P3H1: variants seen among roughly 807,000 people sequenced by gnomAD.
The protein encoded by P3H1 is growth suppressor 1.
In P3H1, 69 loss-of-function variants were observed where a neutral mutation model predicts 84.0. The ratio of observed to expected loss-of-function variants is 0.82; its 90% CI spans 0.68 to 1.00. P3H1 has a LOEUF of 1.00. Among genes scored for constraint, P3H1 ranks in the 50% least tolerant of loss-of-function variants. P3H1 has a pLI of 0.00. For missense variants in P3H1, 878 were observed against 962.8 expected (o/e 0.91, Z 1.17); for synonymous variants, 366 against 388.8 (o/e 0.94, Z 0.69).
rs374314894 is a variant in P3H1 at position 42,758,981 on chromosome 1, G to A, written c.811C>T (p.His271Tyr). The A allele has an allele frequency of 1.9e-5, 31 of 1,614,054 alleles. No individual in the cohort carries two copies. The highest frequency in any genetic ancestry group is 2.5e-5 in the Non-Finnish European group (30 of 1,180,020). Reference protein sequence around the residue: ...NADLFQAITDHYIQVLNCKQN... With the variant: ...NADLFQAITDYYIQVLNCKQN... Reference sequence around the variant, plus strand: ...TTACAGTTGAGGACCTGGATGTAATGATCTGAAAGGAATCAAACAGAAGGA... The same window carrying A: ...TTACAGTTGAGGACCTGGATGTAATAATCTGAAAGGAATCAAACAGAAGGA... Residue 271 changes from histidine (H) to tyrosine (Y), a missense_variant and splice_region_variant, in exon 4 of 15, where the codon CAT (histidine) becomes TAT (tyrosine). By Grantham distance (83) the His-to-Tyr change is moderately conservative. Transcript: ENST00000296388.
rs1443707538 is a variant in P3H1 at position 42,752,623 on chromosome 1, A to G, written c.1387T>C (p.Ser463Pro). 6.2e-7 allele frequency: 1 copy of G among 1,614,170 alleles called. No homozygotes were observed. Among genetic ancestry groups the G allele is most frequent in the South Asian group, 1.1e-5 (1 of 91,084 alleles). ...CGCTGGGAACCATTCAGGAGTTTGG[A>G]GTTCATGGTGAGACTGATGCCTTCA... ...LYEGISLTMN[S>P]KLLNGSQRVV... The change falls in exon 9 of 15, where the codon TCC (serine) becomes CCC (proline). Residue 463 changes from serine (S) to proline (P), a missense_variant. Ser to Pro is a moderately conservative substitution (Grantham distance 74). Transcript: ENST00000296388.
chr1:42,762,402 T>C lies in P3H1; in HGVS notation c.539A>G (p.Gln180Arg), dbSNP rs2124156508. 6.2e-7 allele frequency: 1 copy of C among 1,614,214 alleles called. No homozygotes were observed. Among genetic ancestry groups the C allele is most frequent in the South Asian group, 1.1e-5 (1 of 91,086 alleles). Residue 180 changes from glutamine (Q) to arginine (R), a missense_variant, in exon 2 of 15, where the codon CAG (glutamine) becomes CGG (arginine). By Grantham distance (43) the Gln-to-Arg change is conservative. Transcript: ENST00000296388. ...FVGNPEHMEMQQNLDYYQTMS... is the reference protein window; with the variant it reads ...FVGNPEHMEMRQNLDYYQTMS... ...GGTTTGGTAATAGTCTAGGTTCTGC[T>C]GCATTTCCATGTGCTCAGGATTGCC...
rs1259433770 is a variant in P3H1 at position 42,762,345 on chromosome 1, T to C, written c.596A>G (p.Asp199Gly). ...MSGVKEADFK[D>G]LETQPHMQEF... ...CACCATATGGGGTTGAGTCTCAAGA[T>C]CCTTGAAGTCGGCCTCCTTCACTCC... The change falls in exon 2 of 15, where the codon GAT becomes GGT. Residue 199 changes from aspartate to glycine, a missense_variant. Asp to Gly is a moderately conservative substitution (Grantham distance 94, BLOSUM62 -1). Coordinates refer to ENST00000296388, the MANE Select transcript of P3H1 (RefSeq NM_022356.4). The C allele has an allele frequency of 6.2e-7, 1 of 1,613,956 alleles. No individual in the cohort carries two copies. The highest frequency in any genetic ancestry group is 2.2e-5 in the East Asian group (1 of 44,892).
intron 2 of P3H1, chr1:42,761,990 G>C (rs534267218): frequency 8.4e-6 from 2 of 238,670 alleles, no homozygotes; most frequent in African/African-American, 4.6e-5. Flanking sequence ...AATATAAACT[G>C]GTTTTCTTAA....
Position 42,757,805 on chromosome 1 carries a change from G to C in P3H1, c.1058C>G (p.Thr353Ser). 6.2e-7 allele frequency: 1 copy of C among 1,614,224 alleles called. No individual in the cohort carries two copies. The highest frequency in any genetic ancestry group is 1.3e-5 in the African/African-American group (1 of 75,050). ...CACCTCACGGGGGCCGATGGATCTG[G>C]TGTGTTCTTCTCCAAGCATAGCTGC... ...YYAAMLGEEH[T>S]RSIGPRESAK... Residue 353 changes from threonine (T) to serine (S), a missense_variant, in exon 5 of 15, where the codon ACC becomes AGC. Transcript: ENST00000296388.
chr1:42,749,384 T>C (rs1557561383), intron 11 of P3H1, among the ~76,000 whole-genome samples: 1 of 152,186 alleles, frequency 6.6e-6, no homozygotes, highest in Non-Finnish European at 1.5e-5. Flanking sequence ...CAGAGCCGGC[T>C]CTGGGCCACA....
At chr1:42,757,728 C>T (rs747184116) in intron 5 of P3H1, 55 bp downstream of exon 5, 324 of 1,613,728 alleles carry the variant, frequency 2.0e-4, no homozygotes, top group Non-Finnish European at 2.4e-4. Flanking sequence ...CCCACTCTTC[C>T]GCCCTCAGGT....
At chr1:42,752,147 A>C in intron 10 of P3H1, 127 bp downstream of exon 10, 1 of 799,478 alleles carries the variant, frequency 1.3e-6, no homozygotes. Flanking sequence ...CTTCCTGGCA[A>C]CAAGAATGTT....
chr1:42,752,562 C>A lies in P3H1; in HGVS notation c.1448G>T (p.Cys483Phe). 2 of 1,614,168 alleles carry A rather than the reference C, an allele frequency of 1.2e-6. No homozygotes were observed. Among genetic ancestry groups the A allele is most frequent in the Non-Finnish European group, 8.5e-7 (1 of 1,180,026 alleles). Reference protein sequence around the residue: ...VMDGVISDHECQELQRLTNVA... With the variant: ...VMDGVISDHEFQELQRLTNVA... ...ATTGGTCAGTCTCTGCAGCTCCTGA[C>A]ACTCGTGGTCAGAGATTACGCCGTC... Residue 483 changes from cysteine (C) to phenylalanine (F), a missense_variant, in exon 9 of 15, where the codon TGT becomes TTT. Coordinates refer to ENST00000296388, the MANE Select transcript of P3H1 (RefSeq NM_022356.4).
rs768806151 is a variant in P3H1 at position 42,762,390 on chromosome 1, T to A, written c.551A>T (p.Asp184Val). The A allele has an allele frequency of 6.2e-7, 1 of 1,614,192 alleles. No individual in the cohort carries two copies. Among genetic ancestry groups the A allele is most frequent in the South Asian group, 1.1e-5 (1 of 91,086 alleles). The change falls in exon 2 of 15, where the codon GAC (aspartate) becomes GTC (valine). Residue 184 changes from aspartate to valine, a missense_variant. By Grantham distance (152) the Asp-to-Val change is radical. Transcript: ENST00000296388. ...PEHMEMQQNL[D>V]YYQTMSGVKE... ...CACTCCAGACATGGTTTGGTAATAG[T>A]CTAGGTTCTGCTGCATTTCCATGTG...
chr1:42,764,410 C>G (rs1158150956), intron 1 of P3H1, among the ~76,000 whole-genome samples: 1 of 130,122 alleles, frequency 7.7e-6, no homozygotes, highest in Non-Finnish European at 1.6e-5. Flanking sequence ...CTGGCAACAG[C>G]GAGACTCCAT....
intron 1 of P3H1, among the ~76,000 whole-genome samples, chr1:42,764,613 G>A (rs1652895919): frequency 2.0e-5 from 3 of 152,148 alleles, no homozygotes; most frequent in Admixed American, 6.5e-5. Context: ...AGAGTTCAAC[G>A]AGATAATATG....
In P3H1 at chr1:42,763,779, T is replaced by C. The variant is rs184545856; in HGVS notation, c.466-1304A>G. On this transcript the variant is annotated intron_variant, in intron 1 of 14. Transcript: ENST00000296388. ...CTCCAGCATGTCAAAGTAACACAGG[T>C]TTCATATATAGAATCCAACCAAATA... 3.1e-3 allele frequency among the ~76,000 whole-genome samples: 468 copies of C among 149,140 alleles called. 7 individuals carry two copies. The highest frequency in any genetic ancestry group is 5.3e-3 in the East Asian group (27 of 5,082).
At position 42,759,283 on chromosome 1, in the gene P3H1, G is replaced by A; in HGVS notation, c.726C>T (p.Cys242=). The A allele has an allele frequency of 6.2e-7, 1 of 1,614,134 alleles. No individual in the cohort carries two copies. Among genetic ancestry groups the A allele is most frequent in the Non-Finnish European group, 8.5e-7 (1 of 1,179,984 alleles). ...LQEYFVAYEE[C]RALCEGPYDY... is the part of the protein sequence containing the mutation. Reference sequence around the variant, plus strand: ...CATAGGGCCCTTCGCAGAGGGCACGGCACTCCTCATAGGCCACAAAGTATT... The same window carrying A: ...CATAGGGCCCTTCGCAGAGGGCACGACACTCCTCATAGGCCACAAAGTATT... The change falls in exon 3 of 15, where the codon TGC becomes TGT. Residue 242 remains cysteine, a synonymous_variant. Coordinates refer to ENST00000296388, the MANE Select transcript of P3H1 (RefSeq NM_022356.4).
chr1:42,759,513 C>T, intron 2 of P3H1, 123 bp from the exon 3 acceptor site: 1 of 769,244 alleles, frequency 1.3e-6, no homozygotes, highest in African/African-American at 1.7e-5. Flanking sequence ...AAAGGGGTGA[C>T]CTGGGTACCA....
rs1179622665 is a variant in P3H1, at chr1:42,750,341, C to A, written c.1570-5G>T. The A allele has an allele frequency of 6.2e-7, 1 of 1,613,924 alleles. No homozygotes were observed. On this transcript the variant is annotated splice_polypyrimidine_tract_variant and splice_region_variant and intron_variant, in intron 10 of 14. Coordinates refer to ENST00000296388, the MANE Select transcript of P3H1 (RefSeq NM_022356.4). ...AACTTTGCCTTCTTGCCCCAGCTGC[C>A]AAGGAGACAGATGGTCAGCTGCCCT...
chr1:42,750,113 G>T, intron 11 of P3H1, 73 bp downstream of exon 11: 2 of 1,540,460 alleles, frequency 1.3e-6, no homozygotes, highest in Non-Finnish European at 1.8e-6. Context: ...TGTTCTCTCT[G>T]TGTCTTCAGC....
Position 42,754,933 on chromosome 1 carries a change from T to A in P3H1, c.1281A>T (p.Glu427Asp). The change falls in exon 8 of 15, where the codon GAA becomes GAT. Residue 427 changes from glutamate (E) to aspartate (D), a missense_variant. Coordinates refer to ENST00000296388, the MANE Select transcript of P3H1 (RefSeq NM_022356.4). The surrounding 1 kb of genome is among the most constrained non-coding windows in gnomAD (Gnocchi z 4.0). ...TCTTCTCTTCCACAAGGGTCTCGATTTCCTTCATAAGGTTCCCAATCTCCT... is the reference window on the plus strand; with the variant it reads ...TCTTCTCTTCCACAAGGGTCTCGATATCCTTCATAAGGTTCCCAATCTCCT... ...ISQEIGNLMK[E>D]IETLVEEKTK... The A allele has an allele frequency of 6.2e-7, 1 of 1,614,208 alleles. No individual in the cohort carries two copies. The highest frequency in any genetic ancestry group is 8.5e-7 in the Non-Finnish European group (1 of 1,180,030).
Position 42,748,296 on chromosome 1 carries a change from T to A in P3H1, c.1742A>T (p.Asp581Val). ...GTCCACGTGGACTGGATGACTATCA[T>A]CCTTCCTCTCTGCCTGGACCTCTGG... The part of the protein sequence containing the change: ...AIEEVQAERK[D>V]DSHPVHVDNC... The change falls in exon 12 of 15, where the codon GAT (aspartate) becomes GTT (valine). Residue 581 changes from aspartate to valine, a missense_variant. Physicochemically the swap from Asp to Val is radical, Grantham distance 152. Coordinates refer to ENST00000296388, the MANE Select transcript of P3H1 (RefSeq NM_022356.4). 7 of 1,613,858 alleles carry A rather than the reference T, an allele frequency of 4.3e-6. No individual in the cohort carries two copies. Among genetic ancestry groups the A allele is most frequent in the Non-Finnish European group, 5.9e-6 (7 of 1,179,894 alleles).
Sources: gnomAD v4.1 joint callset for allele counts (sites outside exome capture counted in the v4.1 genomes callset) on GRCh38, gnomAD v4.1.1 for gene constraint, Gnocchi (gnomAD v3.1) non-coding constraint, MANE v1.5 for transcripts, NCBI Gene and HGNC (gene_info 2026-07-23, HGNC 2026-07-21) for gene names.